Variants in MED12L observed in about 807,000 individuals in gnomAD.
MED12L encodes the protein mediator of RNA polymerase II transcription subunit 12-like protein.
In MED12L, 60 loss-of-function variants were observed where a neutral mutation model predicts 281.3. The observed-to-expected ratio is 0.21, with a 90% CI of 0.17 to 0.26. The LOEUF is 0.26. MED12L is among the 10% of genes least tolerant of loss of function. The pLI is 1.00. For synonymous variants in MED12L, 974 were observed against 987.2 expected (o/e 0.99, Z 0.25); for missense variants, 2,146 against 2,680.9 (o/e 0.80, Z 4.41).
At chr3:151,334,192 C>CG (rs1553782842) in intron 16 of MED12L, among the ~76,000 whole-genome samples, 1 of 99,450 alleles carries the variant, frequency 1.0e-5, no homozygotes, top group Non-Finnish European at 1.9e-5. Flanking sequence ...TTCTTTCTTT[C>CG]TTTCTTTTTT....
At chr3:151,241,675 A>T (rs1251345069) in intron 16 of MED12L, 1 of 152,196 alleles carries the variant, frequency 6.6e-6, no homozygotes, top group Non-Finnish European at 1.5e-5. Flanking sequence ...ACACATATAT[A>T]CACATACACA....
intron 28 of MED12L, 55 bp from the exon 29 acceptor site, chr3:151,376,745 T>C: frequency 1.5e-6 from 2 of 1,372,730 alleles, no homozygotes; most frequent in Non-Finnish European, 1.0e-6. Flanking sequence ...AAGAAATTAC[T>C]GTATTTTAAC....
intron 20 of MED12L, among the ~76,000 whole-genome samples, chr3:151,358,625 G>A (rs1004492689): frequency 9.9e-5 from 15 of 151,966 alleles, no homozygotes; most frequent in African/African-American, 3.6e-4. Context: ...GTATCATTTA[G>A]TTTGGCCTTG....
At chr3:151,222,993 G>T (rs902144281) in intron 16 of MED12L, among the ~76,000 whole-genome samples, 2 of 152,020 alleles carry the variant, frequency 1.3e-5, no homozygotes, top group African/African-American at 4.8e-5. Context: ...GAGAGGTGGC[G>T]ATTGTGATCA....
chr3:151,115,410 G>T (rs184077926), intron 2 of MED12L, among the ~76,000 whole-genome samples: 1 of 122,156 alleles, frequency 8.2e-6, no homozygotes, highest in Non-Finnish European at 1.6e-5. Flanking sequence ...GTGCAGTGGT[G>T]TGATCTCGGC....
intron 16 of MED12L, among the ~76,000 whole-genome samples, chr3:151,290,793 A>G (rs1334477450): frequency 1.3e-5 from 2 of 152,244 alleles, no homozygotes; most frequent in African/African-American, 4.8e-5. Context: ...GCAAAGTGCT[A>G]GGCTGTGTTA....
At chr3:151,430,775 AG>A (rs1300624667) in intron 44 of MED12L, among the ~76,000 whole-genome samples, 3 of 33,512 alleles carry the variant, frequency 9.0e-5, no homozygotes, top group Non-Finnish European at 2.6e-4. Context: ...CTTCAGATAC[AG>A]GGAGGCCAGC....
chr3:151,137,359 G>C (rs1716305116), intron 5 of MED12L, among the ~76,000 whole-genome samples: 1 of 152,116 alleles, frequency 6.6e-6, no homozygotes, highest in South Asian at 2.1e-4. Flanking sequence ...TTTGTCATGG[G>C]ACATCTCCTT....
chr3:151,289,501 G>A (rs1743972770), intron 16 of MED12L, among the ~76,000 whole-genome samples: 1 of 152,186 alleles, frequency 6.6e-6, no homozygotes, highest in East Asian at 1.9e-4. Context: ...TTGGGTAATT[G>A]ACAGATGGCT....
At position 151,362,448 on chromosome 3, in the gene MED12L, C is replaced by T. The variant is rs145814565; in HGVS notation, c.2957+1843C>T. Reference sequence around the variant, plus strand: ...AGTAGGGCTTTTGCACTTTATCTTACGTTGCTTGTGATACTTGTCCTCAGT... The same window carrying T: ...AGTAGGGCTTTTGCACTTTATCTTATGTTGCTTGTGATACTTGTCCTCAGT... On this transcript the variant is annotated intron_variant, in intron 21 of 44. Transcript: ENST00000687756. Among the ~76,000 whole-genome samples the T allele has an allele frequency of 2.5e-3, 386 of 152,192 alleles. 3 individuals carry two copies. Among genetic ancestry groups the T allele is most frequent in the African/African-American group, 8.6e-3 (356 of 41,544 alleles).
At chr3:151,429,115 A>G (rs1199275071) in intron 43 of MED12L, among the ~76,000 whole-genome samples, 1 of 152,198 alleles carries the variant, frequency 6.6e-6, no homozygotes, top group Non-Finnish European at 1.5e-5. Flanking sequence ...GCGGGACAAG[A>G]AGGGGAGAGA....
chr3:151,397,127 ATTC>A (rs139315114), intron 39 of MED12L, among the ~76,000 whole-genome samples: 2,158 of 151,804 alleles, frequency 0.014, 42 homozygotes, highest in African/African-American at 0.049. Context: ...TTTTTTCTTT[ATTC>A]TTCTCTTTTT....
intron 39 of MED12L, among the ~76,000 whole-genome samples, chr3:151,397,064 G>T (rs67886110): frequency 0.42 from 63,783 of 151,876 alleles, 13,524 homozygotes; most frequent in Middle Eastern, 0.48. Context: ...AATTAATTGT[G>T]ATTTCATTCT....
intron 36 of MED12L, among the ~76,000 whole-genome samples, chr3:151,386,985 C>T (rs192424755): frequency 7.2e-4 from 109 of 152,312 alleles, no homozygotes; most frequent in Non-Finnish European, 5.4e-4. Flanking sequence ...GTTGGGATTA[C>T]AGACACGAGC....
intron 16 of MED12L, among the ~76,000 whole-genome samples, chr3:151,323,360 G>A (rs1054165183): frequency 1.3e-5 from 2 of 152,156 alleles, no homozygotes; most frequent in African/African-American, 4.8e-5. Flanking sequence ...AGAACATGTG[G>A]TTCTTCACCT....
At chr3:151,322,274 C>T (rs1749082032) in intron 16 of MED12L, among the ~76,000 whole-genome samples, 2 of 152,208 alleles carry the variant, frequency 1.3e-5, no homozygotes, top group African/African-American at 4.8e-5. Flanking sequence ...CAACCTCAAC[C>T]TCCTGGACTC....
intron 17 of MED12L, among the ~76,000 whole-genome samples, chr3:151,354,311 AAG>A (rs1054908526): frequency 6.6e-6 from 1 of 152,160 alleles, no homozygotes; most frequent in Non-Finnish European, 1.5e-5. Flanking sequence ...AACAGTTAAG[AAG>A]AGTACCCCTA....
chr3:151,202,607 T>C (rs973258508), intron 16 of MED12L, among the ~76,000 whole-genome samples: 3 of 152,098 alleles, frequency 2.0e-5, no homozygotes, highest in Non-Finnish European at 4.4e-5. Flanking sequence ...GATGTGGAGG[T>C]TGAAGTGAGC....
chr3:151,187,231 C>G (rs1228404011), intron 12 of MED12L, among the ~76,000 whole-genome samples: 4 of 152,146 alleles, frequency 2.6e-5, no homozygotes, highest in African/African-American at 4.8e-5. Flanking sequence ...GAATTGCAGT[C>G]CATAAACTTC....
Sources: gnomAD v4.1 joint callset for allele counts (sites outside exome capture counted in the v4.1 genomes callset) on GRCh38, gnomAD v4.1.1 for gene constraint, MANE v1.5 for transcripts, NCBI Gene and HGNC (gene_info 2026-07-23, HGNC 2026-07-21) for gene names.